The following DOCK4 variants were observed in gnomAD, a reference collection of about 807,000 sequenced individuals.
DOCK4 encodes dedicator of cytokinesis 4.
In DOCK4, 97 loss-of-function variants were observed where a neutral mutation model predicts 268.1. The observed-to-expected ratio is 0.36, with a 90% CI of 0.31 to 0.43. The LOEUF is 0.43. DOCK4 is among the 20% of genes least tolerant of loss of function. The pLI is 1.00. For missense variants in DOCK4, 2,145 were observed against 2,455.7 expected, an observed-to-expected ratio of 0.87 and a Z score of 2.67; for synonymous variants, 954 against 887.2, an observed-to-expected ratio of 1.08 and a Z score of -1.34.
At chr7:111,785,037 T>TC (rs1799068203) in intron 32 of DOCK4, among the ~76,000 whole-genome samples, 1 of 152,212 alleles carries the variant, frequency 6.6e-6, no homozygotes, top group Non-Finnish European at 1.5e-5. Flanking sequence ...CTCCCAAGTT[T>TC]TCTCTCCATC....
At chr7:112,073,936 G>A (rs967555430) in intron 1 of DOCK4, among the ~76,000 whole-genome samples, 3 of 151,940 alleles carry the variant, frequency 2.0e-5, no homozygotes, top group South Asian at 2.1e-4. Flanking sequence ...TAATTACCCC[G>A]ATTTATCATT....
In DOCK4 at chr7:111,737,035, T is replaced by C. The variant is rs1490103931; in HGVS notation, c.5233-46A>G. 2.6e-6 allele frequency: 4 copies of C among 1,521,736 alleles called. No homozygotes were observed. The African/African-American group carries it at 4.1e-5, about 16-fold the overall frequency. The allele number at this position is 1,521,736 out of a possible 1,614,324, so 94.3% of individuals were successfully genotyped here. A position where few individuals can be genotyped will look rare whatever the true frequency, so the allele number is the denominator to read the frequency against. On this transcript the variant is annotated intron_variant, in intron 49 of 52. Coordinates refer to ENST00000428084, the MANE Select transcript of DOCK4 (RefSeq NM_001363540.2). ...ATTTTTATGATGTGATATACGGGCA[T>C]GTGAAACCTTTCAGAAAATGAGACG...
chr7:111,974,258 C>T (rs1183429131), intron 8 of DOCK4, among the ~76,000 whole-genome samples: 2 of 152,084 alleles, frequency 1.3e-5, no homozygotes, highest in Admixed American at 6.6e-5. Flanking sequence ...AAAACAATCA[C>T]TGTGTGGCCT....
chr7:112,115,864 G>T (rs1012705924), intron 1 of DOCK4, among the ~76,000 whole-genome samples: 1 of 152,120 alleles, frequency 6.6e-6, no homozygotes, highest in African/African-American at 2.4e-5. Context: ...ACTTTTTGTA[G>T]AGAAAGAGTC....
intron 16 of DOCK4, among the ~76,000 whole-genome samples, chr7:111,893,307 G>C (rs1562854008): frequency 6.6e-6 from 1 of 152,130 alleles, no homozygotes; most frequent in Non-Finnish European, 1.5e-5. Context: ...ATCTTGGTAT[G>C]GTTCACGCTC....
chr7:111,882,239 T>C (rs963138519), intron 16 of DOCK4, among the ~76,000 whole-genome samples: 5 of 151,880 alleles, frequency 3.3e-5, no homozygotes, highest in African/African-American at 1.2e-4. Context: ...ATGAGAAAAA[T>C]TGTATAGTGT....
chr7:112,000,593 T>C, intron 2 of DOCK4, 59 bp from the exon 3 acceptor site: 1 of 1,252,490 alleles, frequency 8.0e-7, no homozygotes, highest in Non-Finnish European at 1.1e-6. Context: ...TTAAAGATAA[T>C]AACAAATCAA....
At chr7:111,774,694 A>G (rs1798338792) in intron 36 of DOCK4, among the ~76,000 whole-genome samples, 1 of 152,196 alleles carries the variant, frequency 6.6e-6, no homozygotes, top group Non-Finnish European at 1.5e-5. Flanking sequence ...GGCTGAACAG[A>G]CAAGCGTTGG....
intron 40 of DOCK4, 100 bp downstream of exon 40, chr7:111,760,081 A>G: frequency 6.9e-7 from 1 of 1,456,638 alleles, no homozygotes; most frequent in East Asian, 2.3e-5. Flanking sequence ...CGATGTGGCT[A>G]TTGAAAAGGG....
At chr7:111,863,053 T>A (rs562272190) in intron 23 of DOCK4, 1 of 277,150 alleles carries the variant, frequency 3.6e-6, no homozygotes, top group Non-Finnish European at 7.0e-6. Flanking sequence ...AGAACATAAA[T>A]TGATGAAAAA....
intron 1 of DOCK4, among the ~76,000 whole-genome samples, chr7:112,167,502 T>C (rs971817757): frequency 2.6e-5 from 4 of 152,220 alleles, no homozygotes; most frequent in Admixed American, 6.5e-5. Context: ...AATCTGTGAA[T>C]GCCATGAAGA....
chr7:111,945,249 G>A (rs1332665047), intron 9 of DOCK4, among the ~76,000 whole-genome samples: 18 of 152,152 alleles, frequency 1.2e-4, no homozygotes, highest in African/African-American at 3.4e-4. Context: ...GCAGTGGTGC[G>A]ATCTCAGCTC....
intron 31 of DOCK4, chr7:111,789,061 G>T: frequency 2.7e-6 from 1 of 374,898 alleles, no homozygotes; most frequent in South Asian, 3.8e-5. Context: ...TAAAAAACTG[G>T]CAAGTCCTGT....
intron 27 of DOCK4, among the ~76,000 whole-genome samples, chr7:111,817,242 T>TA (rs1403471866): frequency 6.6e-6 from 1 of 152,156 alleles, no homozygotes; most frequent in Non-Finnish European, 1.5e-5. Context: ...ATAGTTTTGA[T>TA]AAAAAATAAG....
intron 51 of DOCK4, among the ~76,000 whole-genome samples, chr7:111,732,780 A>G (rs949414356): frequency 1.3e-5 from 2 of 152,202 alleles, no homozygotes; most frequent in South Asian, 2.1e-4. Context: ...GTACTCCCCA[A>G]ATAGGTAGAA....
At chr7:111,747,000 A>T (rs1200116400) in intron 43 of DOCK4, among the ~76,000 whole-genome samples, 1 of 152,108 alleles carries the variant, frequency 6.6e-6, no homozygotes, top group African/African-American at 2.4e-5. Context: ...TTTATTAAAC[A>T]GTCCTAATGT....
chr7:111,877,572 A>G (rs1437988410), intron 16 of DOCK4, among the ~76,000 whole-genome samples: 3 of 152,248 alleles, frequency 2.0e-5, no homozygotes, highest in Non-Finnish European at 4.4e-5. Flanking sequence ...CAGTGACCAT[A>G]GTATTTTTTT....
At chr7:111,739,047 T>G in intron 49 of DOCK4, 87 bp downstream of exon 49, 1 of 1,119,604 alleles carries the variant, frequency 8.9e-7, no homozygotes, top group Non-Finnish European at 1.3e-6. Flanking sequence ...TGCTTGCTTT[T>G]GGCAGCTACC....
rs1682603153 is a variant in DOCK4 at position 111,834,455 on chromosome 7, G to A, written c.2835+133C>T. The A allele has an allele frequency of 2.7e-5, 18 of 679,080 alleles. No homozygotes were observed. In the South Asian group the frequency reaches 3.4e-4, roughly 13 times the overall value. 42.1% of individuals were successfully genotyped at this position (679,080 alleles called of 1,614,324 possible). A position where few individuals can be genotyped will look rare whatever the true frequency, so the allele number is the denominator to read the frequency against. On this transcript the variant is annotated intron_variant, in intron 26 of 52. Transcript: ENST00000428084. The stretch of plus-strand genomic sequence containing the variant: ...TATAGATGAGCAGATCTGTGGATGA[G>A]GCTGAGAAAAACAGCTTAGAACTTA...
Sources: allele counts gnomAD v4.1 joint callset (sites outside exome capture counted in the v4.1 genomes callset), GRCh38; gene constraint gnomAD v4.1.1; transcripts MANE v1.5; gene names NCBI Gene and HGNC (gene_info 2026-07-23, HGNC 2026-07-21).